BANK1: variants seen among roughly 807,000 people sequenced by gnomAD.
BANK1 encodes the protein B-cell scaffold protein with ankyrin repeats.
In BANK1, 95 loss-of-function variants were observed where a neutral mutation model predicts 94.5. That is an observed-to-expected ratio of 1.00 (90% confidence interval 0.85 to 1.19). The LOEUF (loss-of-function observed/expected upper bound fraction) is 1.19, where lower values mean the gene tolerates loss of function less well. BANK1 is among the 50% of genes most tolerant of loss of function. BANK1 has a pLI of 0.00. For synonymous variants in BANK1, 334 were observed against 308.4 expected (o/e 1.08, Z -0.87); for missense variants, 987 against 932.2 (o/e 1.06, Z -0.77).
chr4:102,023,791 G>A (rs182034188), intron 8 of BANK1, among the ~76,000 whole-genome samples: 8 of 152,180 alleles, frequency 5.3e-5, no homozygotes, highest in African/African-American at 1.4e-4. Context: ...TTCCTATAGC[G>A]TGAATGTAAT....
intron 7 of BANK1, among the ~76,000 whole-genome samples, chr4:101,962,002 AT>A (rs1481428374): frequency 1.3e-5 from 2 of 152,092 alleles, no homozygotes; most frequent in African/African-American, 2.4e-5. Context: ...ATTTCAGTTC[AT>A]TTTTTTCGTG....
chr4:101,925,945 G>A (rs777833842), intron 7 of BANK1, among the ~76,000 whole-genome samples: 6 of 151,654 alleles, frequency 4.0e-5, no homozygotes, highest in East Asian at 1.9e-4. Context: ...TCTGTCGAGC[G>A]TGGCCCTCAT....
At chr4:102,070,828 G>C (rs185495267) in intron 13 of BANK1, among the ~76,000 whole-genome samples, 1 of 152,124 alleles carries the variant, frequency 6.6e-6, no homozygotes, top group African/African-American at 2.4e-5. Context: ...AATATTCTAC[G>C]GAGATAAAAT....
intron 6 of BANK1, among the ~76,000 whole-genome samples, chr4:101,895,885 CAGAG>C (rs904146272): frequency 3.3e-5 from 5 of 151,564 alleles, no homozygotes; most frequent in African/African-American, 1.2e-4. Flanking sequence ...GGCTATGTAG[CAGAG>C]AGAGAGTGTG....
chr4:101,969,858 T>C (rs189255870), intron 7 of BANK1, among the ~76,000 whole-genome samples: 13 of 152,238 alleles, frequency 8.5e-5, no homozygotes, highest in African/African-American at 2.9e-4. Context: ...TTCAGGCTAA[T>C]TTTCAAATAA....
chr4:101,964,840 G>A (rs1484550235), intron 7 of BANK1, among the ~76,000 whole-genome samples: 1 of 151,286 alleles, frequency 6.6e-6, no homozygotes, highest in Non-Finnish European at 1.5e-5. Flanking sequence ...ATGTATACAT[G>A]TGCCATGCTG....
chr4:101,955,365 C>T (rs1442601963), intron 7 of BANK1, among the ~76,000 whole-genome samples: 1 of 152,134 alleles, frequency 6.6e-6, no homozygotes, highest in African/African-American at 2.4e-5. Context: ...GACTAGATCT[C>T]TTTCTTGTCT....
intron 7 of BANK1, among the ~76,000 whole-genome samples, chr4:101,989,279 TTAAAAA>T (rs1358772100): frequency 1.4e-4 from 21 of 151,458 alleles, no homozygotes; most frequent in Admixed American, 1.2e-3. Flanking sequence ...CCCGTCTCTA[TTAAAAA>T]TACAAAAATG....
At chr4:101,926,663 GA>G in intron 7 of BANK1, among the ~76,000 whole-genome samples, 1 of 151,808 alleles carries the variant, frequency 6.6e-6, no homozygotes. Context: ...AGGCCAGGAA[GA>G]AATAGAAAGA....
At position 101,823,360 on chromosome 4, in the gene BANK1, C is replaced by G. The variant is rs560738192; in HGVS notation, c.71-6448C>G. Among the ~76,000 whole-genome samples, 307 of 152,194 alleles carry G rather than the reference C, an allele frequency of 2.0e-3. 2 individuals carry two copies. The highest frequency in any genetic ancestry group is 7.0e-3 in the African/African-American group (291 of 41,540). ...ATCACGTATTTTATGAATATATATA[C>G]TTACCTTTGTATACCTTATTATTGT... is the stretch of plus-strand genomic sequence containing the variant. On this transcript the variant is annotated intron_variant, in intron 1 of 16. Coordinates refer to ENST00000322953, the MANE Select transcript of BANK1 (RefSeq NM_017935.5).
chr4:102,028,621 TG>T (rs1341345548), intron 9 of BANK1, among the ~76,000 whole-genome samples: 2 of 152,140 alleles, frequency 1.3e-5, no homozygotes, highest in Non-Finnish European at 2.9e-5. Context: ...AGAATGAAAA[TG>T]AAAGAAAAAG....
At chr4:101,858,446 T>C (rs1168667100) in intron 3 of BANK1, among the ~76,000 whole-genome samples, 1 of 152,178 alleles carries the variant, frequency 6.6e-6, no homozygotes, top group Non-Finnish European at 1.5e-5. Context: ...AGTAGCTCCA[T>C]CCTATAGAAC....
intron 1 of BANK1, among the ~76,000 whole-genome samples, chr4:101,826,647 A>G (rs1049660011): frequency 6.6e-6 from 1 of 152,028 alleles, no homozygotes; most frequent in Non-Finnish European, 1.5e-5. Flanking sequence ...CAAGTTATTT[A>G]GCATCCAGGC....
At chr4:101,821,677 A>G (rs1174453674) in intron 1 of BANK1, among the ~76,000 whole-genome samples, 2 of 151,848 alleles carry the variant, frequency 1.3e-5, no homozygotes, top group Admixed American at 6.6e-5. Flanking sequence ...TGTTTGCTTG[A>G]TTTTTTGAAT....
At chr4:102,041,104 C>T (rs1005553794) in intron 10 of BANK1, among the ~76,000 whole-genome samples, 4 of 151,976 alleles carry the variant, frequency 2.6e-5, no homozygotes, top group African/African-American at 4.8e-5. Context: ...ATCTGAGTGA[C>T]CTATAACCCT....
At chr4:101,834,737 G>C (rs1726760639) in intron 2 of BANK1, among the ~76,000 whole-genome samples, 1 of 151,960 alleles carries the variant, frequency 6.6e-6, no homozygotes, top group Admixed American at 6.6e-5. Flanking sequence ...ATTATACAAA[G>C]AATAAGGGAA....
intron 7 of BANK1, among the ~76,000 whole-genome samples, chr4:101,956,813 A>G (rs1400764085): frequency 6.6e-6 from 1 of 152,204 alleles, no homozygotes; most frequent in Non-Finnish European, 1.5e-5. Context: ...CCTCTTAGGC[A>G]TAGAATTATA....
At chr4:101,870,480 CT>C (rs748283877) in intron 4 of BANK1, 24 bp from the exon 5 acceptor site, 5 of 1,603,768 alleles carry the variant, frequency 3.1e-6, no homozygotes, top group Non-Finnish European at 4.3e-6. Context: ...TACTCTGCCC[CT>C]AACCCTTGTT....
intron 11 of BANK1, among the ~76,000 whole-genome samples, chr4:102,045,979 T>C (rs9683578): frequency 0.64 from 89,014 of 140,154 alleles, 28,661 homozygotes; most frequent in African/African-American, 0.74. Flanking sequence ...GAGCCCGCAT[T>C]GCCAAGTCAA....
Sources: gnomAD v4.1 joint callset for allele counts (sites outside exome capture counted in the v4.1 genomes callset) on GRCh38, gnomAD v4.1.1 for gene constraint, MANE v1.5 for transcripts, NCBI Gene and HGNC (gene_info 2026-07-23, HGNC 2026-07-21) for gene names.